Variants in LRRC7 observed in about 807,000 individuals in gnomAD.
LRRC7 encodes leucine rich repeat containing 7, also known as leucine-rich repeat-containing protein 7.
LRRC7 carries 23 observed loss-of-function variants against 175.7 expected under a neutral mutation model. That is an observed-to-expected ratio of 0.13 (90% CI 0.09 to 0.19). LRRC7 has a LOEUF of 0.19. Ranked by LOEUF, LRRC7 falls within the 10% of genes least tolerant of loss-of-function variation. The pLI is 1.00. For synonymous variants in LRRC7, 685 were observed against 680.9 expected (o/e 1.01, Z -0.09); for missense variants, 1,354 against 1,904.7 (o/e 0.71, Z 5.38).
At chr1:69,741,682 G>T (rs181061674) in intron 2 of LRRC7, among the ~76,000 whole-genome samples, 3 of 151,980 alleles carry the variant, frequency 2.0e-5, no homozygotes, top group Non-Finnish European at 4.4e-5. Flanking sequence ...GCAAGCTAAA[G>T]AAGACTTACG....
In LRRC7 at chr1:70,069,286, G is replaced by A. The variant is rs141602691; in HGVS notation, c.4231-6791G>A. ...GAGAAGCAGACACCTTCTTCAAAGG[G>A]TGGCAGGACAGAGTGAGTGCAAGCA... On this transcript the variant is annotated intron_variant, in intron 23 of 26. Transcript: ENST00000651989. Among the ~76,000 whole-genome samples the A allele has an allele frequency of 8.5e-3, 1,295 of 152,210 alleles. 12 individuals are homozygous for A. Among genetic ancestry groups the A allele is most frequent in the African/African-American group, 0.029 (1,220 of 41,518 alleles).
intron 15 of LRRC7, among the ~76,000 whole-genome samples, chr1:70,020,055 G>A (rs1333184142): frequency 2.0e-5 from 3 of 151,946 alleles, no homozygotes; most frequent in African/African-American, 7.2e-5. Flanking sequence ...GCCTAGCTGA[G>A]TTTGCTTTTG....
chr1:69,865,515 G>A (rs1684846829), intron 7 of LRRC7, among the ~76,000 whole-genome samples: 1 of 70,880 alleles, frequency 1.4e-5, no homozygotes, highest in Admixed American at 2.3e-4. Flanking sequence ...CCCGCTCAGT[G>A]CCCCAGGCTG....
chr1:70,027,351 C>T (rs530386456), intron 17 of LRRC7, among the ~76,000 whole-genome samples: 1 of 152,102 alleles, frequency 6.6e-6, no homozygotes, highest in African/African-American at 2.4e-5. Flanking sequence ...TATTTTCTCC[C>T]TCTAAATTTA....
At chr1:69,994,525 C>T (rs1654746327) in intron 10 of LRRC7, 36 bp from the exon 11 acceptor site, 2 of 1,323,350 alleles carry the variant, frequency 1.5e-6, no homozygotes, top group Admixed American at 1.7e-5. Context: ...TCATAATCTG[C>T]TCTTATGTAT....
intron 7 of LRRC7, chr1:69,919,782 A>T: frequency 1.1e-6 from 1 of 905,102 alleles, no homozygotes; most frequent in Non-Finnish European, 1.8e-6. Context: ...CGGACGGGGG[A>T]GATGAGCGGG....
At chr1:69,784,941 C>T (rs931216371) in intron 3 of LRRC7, among the ~76,000 whole-genome samples, 1 of 151,938 alleles carries the variant, frequency 6.6e-6, no homozygotes, top group Middle Eastern at 3.2e-3. Context: ...GTTATGAATT[C>T]TCTGGTGTTT....
At chr1:70,092,624 C>T (rs954420535) in intron 25 of LRRC7, among the ~76,000 whole-genome samples, 3 of 151,982 alleles carry the variant, frequency 2.0e-5, no homozygotes, top group Non-Finnish European at 4.4e-5. Context: ...AGATAGCATC[C>T]AAAACGATTA....
chr1:69,979,136 T>G (rs918012210), intron 8 of LRRC7, among the ~76,000 whole-genome samples: 2 of 152,174 alleles, frequency 1.3e-5, no homozygotes, highest in African/African-American at 4.8e-5. Context: ...TTCACTGCTT[T>G]GTATGTGTTC....
At chr1:69,909,260 C>A (rs1293992433) in intron 7 of LRRC7, among the ~76,000 whole-genome samples, 11 of 152,008 alleles carry the variant, frequency 7.2e-5, no homozygotes, top group Non-Finnish European at 1.5e-5. Flanking sequence ...GAGCATTTAG[C>A]CCATTTTCAT....
intron 2 of LRRC7, among the ~76,000 whole-genome samples, chr1:69,706,833 A>G (rs959088772): frequency 1.8e-4 from 28 of 152,306 alleles, no homozygotes; most frequent in Admixed American, 1.8e-3. Context: ...CGAAGAACAC[A>G]CTACCTATGT....
At chr1:69,656,318 T>C (rs1367944634) in intron 1 of LRRC7, among the ~76,000 whole-genome samples, 1 of 152,028 alleles carries the variant, frequency 6.6e-6, no homozygotes, top group African/African-American at 2.4e-5. Flanking sequence ...TATTGTCAGT[T>C]TGACATACTG....
Position 69,910,423 on chromosome 1 carries a change from G to T in LRRC7, c.648-21084G>T, listed in dbSNP as rs528838018. Reference sequence around the variant, plus strand: ...TACCAGACAGGACCCTCAGCTGCAGGTCTGTTGGAGTTTGCTAGAGGTCCA... The same window carrying T: ...TACCAGACAGGACCCTCAGCTGCAGTTCTGTTGGAGTTTGCTAGAGGTCCA... On this transcript the variant is annotated intron_variant, in intron 7 of 26. Coordinates refer to ENST00000651989, the MANE Select transcript of LRRC7 (RefSeq NM_001370785.2). Among the ~76,000 whole-genome samples the T allele has an allele frequency of 3.9e-3, 599 of 152,316 alleles. 3 individuals carry two copies. The highest frequency in any genetic ancestry group is 0.013 in the African/African-American group (554 of 41,572).
chr1:69,657,011 C>A (rs1656695072), intron 1 of LRRC7, among the ~76,000 whole-genome samples: 1 of 151,608 alleles, frequency 6.6e-6, no homozygotes, highest in South Asian at 2.1e-4. Context: ...AAGGAAAGGA[C>A]AAGACATAAA....
chr1:69,964,753 A>G (rs58259872), intron 8 of LRRC7, among the ~76,000 whole-genome samples: 10,653 of 152,240 alleles, frequency 0.07, 389 homozygotes, highest in South Asian at 0.11. Flanking sequence ...TTCTTAACTG[A>G]GGATAAAGAG....
intron 3 of LRRC7, among the ~76,000 whole-genome samples, chr1:69,786,838 CT>C (rs1462540015): frequency 6.6e-6 from 1 of 152,186 alleles, no homozygotes; most frequent in Non-Finnish European, 1.5e-5. Context: ...CATTCTGCCC[CT>C]GTACTCTCCC....
chr1:69,999,435 G>A (rs2101924464), intron 11 of LRRC7, among the ~76,000 whole-genome samples: 1 of 152,242 alleles, frequency 6.6e-6, no homozygotes, highest in South Asian at 2.1e-4. Context: ...CTTATGTTTG[G>A]TGACAGAAGC....
At chr1:69,997,948 A>G (rs1367804004) in intron 11 of LRRC7, among the ~76,000 whole-genome samples, 2 of 151,904 alleles carry the variant, frequency 1.3e-5, no homozygotes, top group Admixed American at 6.6e-5. Context: ...CTCTTTTTCT[A>G]TTGATTGGAA....
intron 8 of LRRC7, among the ~76,000 whole-genome samples, chr1:69,960,949 C>T (rs1007386567): frequency 6.6e-6 from 1 of 152,144 alleles, no homozygotes; most frequent in Non-Finnish European, 1.5e-5. Context: ...TCTCACCACT[C>T]CTATTCAACA....
Sources: gnomAD v4.1 joint callset for allele counts (sites outside exome capture counted in the v4.1 genomes callset) on GRCh38, gnomAD v4.1.1 for gene constraint, MANE v1.5 for transcripts, NCBI Gene and HGNC (gene_info 2026-07-23, HGNC 2026-07-21) for gene names.